Variants in ADGRL2 observed in about 807,000 individuals in gnomAD.
ADGRL2 encodes adhesion G protein-coupled receptor L2, also known as calcium-independent alpha-latrotoxin receptor 2.
A neutral mutation model predicts 157.4 loss-of-function variants in ADGRL2; 44 were observed. That is an observed-to-expected ratio of 0.28 (90% CI 0.22 to 0.36). The LOEUF is 0.36. ADGRL2 is among the 10% of genes least tolerant of loss of function. The probability of loss-of-function intolerance (pLI) is 1.00; values close to 1 mark genes in which losing one functional copy is unlikely to be tolerated. For synonymous variants in ADGRL2, 585 were observed against 624.7 expected (o/e 0.94, Z 0.95); for missense variants, 1,510 against 1,768.9 (o/e 0.85, Z 2.63).
intron 1 of ADGRL2, among the ~76,000 whole-genome samples, chr1:81,832,271 A>G (rs2091996047): frequency 1.3e-5 from 2 of 151,994 alleles, no homozygotes; most frequent in African/African-American, 4.8e-5. Context: ...CCTCCTGTGT[A>G]GCTGGGATTA....
chr1:81,747,050 A>G (rs959874153), intron 1 of ADGRL2, among the ~76,000 whole-genome samples: 1 of 147,208 alleles, frequency 6.8e-6, no homozygotes, highest in Non-Finnish European at 1.5e-5. Context: ...ATATGTATAT[A>G]CGTATATACA....
intron 2 of ADGRL2, among the ~76,000 whole-genome samples, chr1:81,445,986 C>T (rs1331398705): frequency 6.6e-6 from 1 of 152,162 alleles, no homozygotes; most frequent in Non-Finnish European, 1.5e-5. Flanking sequence ...CTCTATTTTT[C>T]AACCTCCTCA....
chr1:81,533,288 A>C (rs2079650561), intron 2 of ADGRL2, among the ~76,000 whole-genome samples: 1 of 152,200 alleles, frequency 6.6e-6, no homozygotes, highest in Admixed American at 6.5e-5. Flanking sequence ...CTGAGGCAAG[A>C]GACTCACTTG....
At chr1:81,960,909 T>C (rs1001713978) in intron 11 of ADGRL2, among the ~76,000 whole-genome samples, 4 of 152,172 alleles carry the variant, frequency 2.6e-5, no homozygotes, top group African/African-American at 9.7e-5. Flanking sequence ...GCTGCATAAT[T>C]GTTGAGGCTG....
intron 3 of ADGRL2, among the ~76,000 whole-genome samples, chr1:81,622,406 C>A (rs915593698): frequency 3.3e-5 from 5 of 151,980 alleles, no homozygotes; most frequent in Non-Finnish European, 5.9e-5. Flanking sequence ...CGTGGTGAAA[C>A]CCTGTCTCTA....
At chr1:81,753,932 T>C (rs2085574222) in intron 1 of ADGRL2, among the ~76,000 whole-genome samples, 1 of 152,138 alleles carries the variant, frequency 6.6e-6, no homozygotes, top group Admixed American at 6.6e-5. Context: ...GGTGCATGTT[T>C]TGGGGGAATA....
intron 3 of ADGRL2, among the ~76,000 whole-genome samples, chr1:81,652,639 C>G (rs994872699): frequency 2.6e-5 from 4 of 151,960 alleles, no homozygotes; most frequent in African/African-American, 4.8e-5. Flanking sequence ...ATAGTAACAA[C>G]TTTCTTTTCT....
At chr1:81,585,356 G>T (rs1053769716) in intron 3 of ADGRL2, among the ~76,000 whole-genome samples, 4 of 151,998 alleles carry the variant, frequency 2.6e-5, no homozygotes, top group African/African-American at 9.7e-5. Context: ...GTCTATTTGG[G>T]TTTTTTGTTC....
At chr1:81,337,013 A>G (rs1183474046) in intron 1 of ADGRL2, among the ~76,000 whole-genome samples, 1 of 152,124 alleles carries the variant, frequency 6.6e-6, no homozygotes, top group Non-Finnish European at 1.5e-5. Flanking sequence ...GACATCAGCG[A>G]GAAGCAGCCT....
At chr1:81,715,387 T>C (rs537638895) in intron 1 of ADGRL2, among the ~76,000 whole-genome samples, 1 of 152,132 alleles carries the variant, frequency 6.6e-6, no homozygotes, top group Non-Finnish European at 1.5e-5. Flanking sequence ...AGACATTAGG[T>C]CTAAACAGGA....
chr1:81,610,225 GGA>G (rs1553129960), intron 3 of ADGRL2, among the ~76,000 whole-genome samples: 2 of 126,108 alleles, frequency 1.6e-5, no homozygotes, highest in East Asian at 2.3e-4. Context: ...TTAGTGGCTT[GGA>G]GGTTTTTTTT....
chr1:81,952,089 C>T lies in ADGRL2; in HGVS notation c.1741C>T (p.Leu581=), dbSNP rs368142284. 2.8e-4 allele frequency: 456 copies of T among 1,613,266 alleles called. No homozygotes were observed. In the Middle Eastern group the frequency reaches 3.0e-3, roughly 11 times the overall value. Residue 581 remains leucine, a synonymous_variant, in exon 9 of 24, where the codon CTG becomes TTG. Transcript: ENST00000686636. ...GTTGGTGGACATCCTTGATGCACAG[C>T]TGCAGGAACTGAAACCTAGTGAAAA... ...EQLVDILDAQ[L]QELKPSEKDS...
intron 2 of ADGRL2, among the ~76,000 whole-genome samples, chr1:81,890,830 CTT>C (rs1373502845): frequency 1.3e-5 from 2 of 152,078 alleles, no homozygotes; most frequent in Admixed American, 1.3e-4. Context: ...GATATCTTCT[CTT>C]TGGTTCTCAG....
At chr1:81,634,956 C>T (rs921135320) in intron 3 of ADGRL2, among the ~76,000 whole-genome samples, 4 of 152,126 alleles carry the variant, frequency 2.6e-5, no homozygotes, top group Admixed American at 6.6e-5. Flanking sequence ...TTGTGTTTGC[C>T]TGAGGGCTTT....
At chr1:81,689,147 T>A (rs558918148) in intron 3 of ADGRL2, among the ~76,000 whole-genome samples, 92 of 152,364 alleles carry the variant, frequency 6.0e-4, no homozygotes, top group African/African-American at 2.1e-3. Context: ...ATTTGGCTAA[T>A]GATTATAAAT....
intron 23 of ADGRL2, 159 bp from the exon 24 acceptor site, chr1:81,990,232 T>G: frequency 1.0e-6 from 1 of 985,428 alleles, no homozygotes; most frequent in Non-Finnish European, 1.2e-6. Flanking sequence ...GTTGCAACTA[T>G]TTACAGTTGG....
Position 81,966,101 on chromosome 1 carries a change from CT to C in ADGRL2, c.2064del (p.Phe688LeufsTer66). On this transcript the variant is annotated frameshift_variant, in exon 12 of 24. Transcript: ENST00000686636. LOFTEE classifies it high-confidence loss of function. ...VLSTEGQIQDFKFPLGIKGAG... is the reference protein window; with the variant it reads ...VLSTEGQIQDXKFPLGIKGAG... ...TCAGTACAGAAGGACAGATCCAAGA[CT>C]TTAAATTTCCTCTGGGCATCAAAGG... The C allele has an allele frequency of 6.2e-7, 1 of 1,614,038 alleles. No individual in the cohort carries two copies. The highest frequency in any genetic ancestry group is 8.5e-7 in the Non-Finnish European group (1 of 1,179,946).
intron 2 of ADGRL2, among the ~76,000 whole-genome samples, chr1:81,875,438 A>G (rs1346297773): frequency 6.6e-6 from 1 of 152,216 alleles, no homozygotes; most frequent in Non-Finnish European, 1.5e-5. Flanking sequence ...GCAGCTTTAT[A>G]ATGCTTTTGA....
intron 2 of ADGRL2, among the ~76,000 whole-genome samples, chr1:81,875,879 A>G (rs2093826769): frequency 6.6e-6 from 1 of 152,150 alleles, no homozygotes; most frequent in South Asian, 2.1e-4. Context: ...TGCACAGTTA[A>G]CAGTATGTCC....
Sources: gnomAD v4.1 joint callset for allele counts (sites outside exome capture counted in the v4.1 genomes callset) on GRCh38, gnomAD v4.1.1 for gene constraint, MANE v1.5 for transcripts, NCBI Gene and HGNC (gene_info 2026-07-23, HGNC 2026-07-21) for gene names.